DDX21: variants seen among roughly 807,000 people sequenced by gnomAD.
DDX21 encodes the protein DExD-box helicase 21.
DDX21 carries 18 observed loss-of-function variants against 90.0 expected under a neutral mutation model. The observed-to-expected ratio is 0.20, with a 90% CI of 0.14 to 0.30. The LOEUF (loss-of-function observed/expected upper bound fraction) is 0.30, where lower values mean the gene tolerates loss of function less well. DDX21 is among the 10% of genes least tolerant of loss of function. DDX21 has a pLI of 1.00. For synonymous variants in DDX21, 294 were observed against 318.0 expected (o/e 0.92, Z 0.80); for missense variants, 673 against 944.5 (o/e 0.71, Z 3.77).
At chr10:68,968,428 C>T (rs1434530773) in intron 6 of DDX21, among the ~76,000 whole-genome samples, 3 of 152,302 alleles carry the variant, frequency 2.0e-5, no homozygotes, top group African/African-American at 4.8e-5. Flanking sequence ...ATTGGAATTA[C>T]AGGCATGAGC....
chr10:68,980,651 A>G (rs746867375), intron 13 of DDX21, among the ~76,000 whole-genome samples: 9 of 152,148 alleles, frequency 5.9e-5, no homozygotes, highest in Non-Finnish European at 1.3e-4. Context: ...ATTAGTTAAC[A>G]CATAGTTTGA....
At position 68,966,604 on chromosome 10, in the gene DDX21, G is replaced by A. The variant is rs888299328; in HGVS notation, c.905-414G>A. ...ATTACAGGCGCCCACCACTGCGCCT[G>A]GTTAATTTTTGTAGTTTTAGTAAAG... On this transcript the variant is annotated intron_variant, in intron 5 of 14. Transcript: ENST00000354185. Among the ~76,000 whole-genome samples, 8 of 151,896 alleles carry A rather than the reference G, an allele frequency of 5.3e-5. No homozygotes were observed. The East Asian group carries it at 1.6e-3, about 30-fold the overall frequency.
chr10:68,963,595 T>C, intron 4 of DDX21, 126 bp downstream of exon 4: 2 of 690,442 alleles, frequency 2.9e-6, no homozygotes, highest in East Asian at 2.9e-5. Flanking sequence ...TGTGGATCTT[T>C]ATGTGAAAGT....
chr10:68,969,579 G>A (rs1842993052), intron 7 of DDX21, among the ~76,000 whole-genome samples: 1 of 152,100 alleles, frequency 6.6e-6, no homozygotes, highest in South Asian at 2.1e-4. Context: ...CGCCCGGCCC[G>A]ATATCTGTGT....
At chr10:68,966,894 T>G (rs1217404533) in intron 5 of DDX21, 124 bp from the exon 6 acceptor site, 1 of 667,430 alleles carries the variant, frequency 1.5e-6, no homozygotes. Context: ...TTACTTAGCA[T>G]ATTACTTTGT....
chr10:68,962,983 C>T (rs1288273668), intron 3 of DDX21, among the ~76,000 whole-genome samples: 1 of 151,996 alleles, frequency 6.6e-6, no homozygotes, highest in Admixed American at 6.6e-5. Flanking sequence ...ATTTCTGAGC[C>T]AGGTATGATG....
Position 68,984,823 on chromosome 10 carries a change from C to T in DDX21, c.*2011C>T, listed in dbSNP as rs1311667540. On this transcript the variant is annotated 3_prime_UTR_variant, in exon 15 of 15. Coordinates refer to ENST00000354185, the MANE Select transcript of DDX21 (RefSeq NM_004728.4). ...AAAGGACTAAAGTTTCTCCTGGATC[C>T]CAGAATTCAACCTGTATTTATAAAT... 2 of 152,048 alleles carry T rather than the reference C, an allele frequency of 1.3e-5. No individual in the cohort carries two copies. Among genetic ancestry groups the T allele is most frequent in the Non-Finnish European group, 2.9e-5 (2 of 68,006 alleles). 9.4% of individuals were successfully genotyped at this position (152,048 alleles called of 1,614,324 possible). A position where few individuals can be genotyped will look rare whatever the true frequency, so the allele number is the denominator to read the frequency against.
intron 11 of DDX21, among the ~76,000 whole-genome samples, chr10:68,976,489 G>A (rs1432875113): frequency 2.6e-5 from 4 of 152,078 alleles, no homozygotes; most frequent in South Asian, 2.1e-4. Context: ...GGGTTTCACC[G>A]TGTTAGCCAG....
intron 1 of DDX21, among the ~76,000 whole-genome samples, chr10:68,959,031 C>A (rs1842838356): frequency 6.6e-6 from 1 of 152,072 alleles, no homozygotes; most frequent in Admixed American, 6.6e-5. Flanking sequence ...CAAAAAAAAT[C>A]CCTGTTGTTT....
rs61757208 is a variant in DDX21 at position 68,956,233 on chromosome 10, G to C, written c.8G>C (p.Gly3Ala). The C allele has an allele frequency of 5.2e-4, 835 of 1,613,956 alleles. 1 individual carries two copies. The highest frequency in any genetic ancestry group is 6.5e-4 in the Non-Finnish European group (769 of 1,179,998). MP[G>A]KLRSDAGLES... The stretch of plus-strand genomic sequence containing the variant: ...GGGCAACCTGCGCTGAAGATGCCGG[G>C]AAAACTCCGTAGTGACGCTGGTTTG... The change falls in exon 1 of 15, where the codon GGA becomes GCA. Residue 3 changes from glycine to alanine, a missense_variant. Gly to Ala is a moderately conservative substitution (Grantham distance 60). Around this residue, in one of 4 missense-constraint regions of DDX21, gnomAD observed 204 missense variants for 221.6 expected, o/e 0.92. Coordinates refer to ENST00000354185, the MANE Select transcript of DDX21 (RefSeq NM_004728.4).
intron 8 of DDX21, among the ~76,000 whole-genome samples, chr10:68,970,654 T>G (rs1843012228): frequency 6.6e-6 from 1 of 151,868 alleles, no homozygotes; most frequent in South Asian, 2.1e-4. Flanking sequence ...TTAATTTTGT[T>G]TTTTCTTTAT....
At chr10:68,977,772 T>A (rs1219460312) in intron 12 of DDX21, 84 bp downstream of exon 12, 1 of 1,376,618 alleles carries the variant, frequency 7.3e-7, no homozygotes, top group Admixed American at 2.3e-5. Flanking sequence ...GCTTCCCAGT[T>A]GTTTTCATTT....
rs376255918 is a variant in DDX21, at chr10:68,982,579, G to A, written c.2119G>A (p.Val707Met). 4.3e-6 allele frequency: 7 copies of A among 1,613,262 alleles called. No individual in the cohort carries two copies. Among genetic ancestry groups the A allele is most frequent in the African/African-American group, 1.3e-5 (1 of 74,884 alleles). The change falls in exon 15 of 15, where the codon GTG (valine) becomes ATG (methionine). Residue 707 changes from valine (V) to methionine (M), a missense_variant. Coordinates refer to ENST00000354185, the MANE Select transcript of DDX21 (RefSeq NM_004728.4). ...WHDSRRWQLSVATEQPELEGP... is the reference protein window; with the variant it reads ...WHDSRRWQLSMATEQPELEGP... ...TGATTCACGACGCTGGCAGCTCTCTGTGGCCACAGAGCAACCAGAACTGGA... is the reference window on the plus strand; with the variant it reads ...TGATTCACGACGCTGGCAGCTCTCTATGGCCACAGAGCAACCAGAACTGGA...
At chr10:68,958,220 C>T (rs1462586600) in intron 1 of DDX21, among the ~76,000 whole-genome samples, 5 of 151,998 alleles carry the variant, frequency 3.3e-5, no homozygotes, top group African/African-American at 1.2e-4. Flanking sequence ...GTGATCCGCC[C>T]ACCTCGGCCT....
At chr10:68,969,192 T>G in intron 7 of DDX21, 71 bp downstream of exon 7, 1 of 1,385,876 alleles carries the variant, frequency 7.2e-7, no homozygotes, top group African/African-American at 1.5e-5. Flanking sequence ...GTATTAAGAC[T>G]GGCAAATGCT....
chr10:68,982,148 A>T lies in DDX21; in HGVS notation c.2083-395A>T, dbSNP rs756188220. On this transcript the variant is annotated intron_variant, in intron 14 of 14. Transcript: ENST00000354185. ...CTCCCAAAGTGCTGGAATTACAGGC[A>T]TGAGCCACCACGTCCAGCCTACAGG... Among the ~76,000 whole-genome samples the T allele has an allele frequency of 1.2e-4, 19 of 152,234 alleles. 1 individual carries two copies. Among genetic ancestry groups the T allele is most frequent in the South Asian group, 4.1e-4 (2 of 4,834 alleles).
At chr10:68,972,698 T>A (rs115487522) in intron 9 of DDX21, among the ~76,000 whole-genome samples, 2,433 of 152,252 alleles carry the variant, frequency 0.016, 90 homozygotes, top group African/African-American at 0.056. Flanking sequence ...CCTTTAGACT[T>A]TTTGATATGG....
At chr10:68,974,929 A>T (rs1189095300) in intron 11 of DDX21, among the ~76,000 whole-genome samples, 186 bp downstream of exon 11, 2 of 151,988 alleles carry the variant, frequency 1.3e-5, no homozygotes, top group Non-Finnish European at 2.9e-5. Flanking sequence ...AGCCTCCCAA[A>T]GTGCTAAGAT....
intron 8 of DDX21, 62 bp downstream of exon 8, chr10:68,970,412 A>G (rs1589286310): frequency 6.6e-7 from 1 of 1,512,688 alleles, no homozygotes; most frequent in East Asian, 2.4e-5. Flanking sequence ...CCTTGGGCAT[A>G]TCTGCTCTTG....
Sources: gnomAD v4.1 joint callset for allele counts (sites outside exome capture counted in the v4.1 genomes callset) on GRCh38, gnomAD v4.1.1 for gene constraint, gnomAD v4.1.1 regional missense constraint, MANE v1.5 for transcripts, NCBI Gene and HGNC (gene_info 2026-07-23, HGNC 2026-07-21) for gene names.